Variants in USP6NL observed in about 807,000 individuals in gnomAD.
USP6NL encodes USP6 N-terminal like.
In USP6NL, 26 loss-of-function variants were observed where a neutral mutation model predicts 61.9. That is an observed-to-expected ratio of 0.42 (90% CI 0.31 to 0.58). The LOEUF is 0.58. Among genes scored for constraint, USP6NL ranks in the 20% least tolerant of loss-of-function variants. The pLI, the probability that USP6NL is intolerant of heterozygous loss-of-function variation, is 0.16. For missense variants in USP6NL, 1,114 were observed against 1,034.3 expected, an observed-to-expected ratio of 1.08 and a Z score of -1.06; for synonymous variants, 432 against 390.1, an observed-to-expected ratio of 1.11 and a Z score of -1.27.
At chr10:11,607,277 C>T (rs2133694211) in intron 1 of USP6NL, among the ~76,000 whole-genome samples, 1 of 152,266 alleles carries the variant, frequency 6.6e-6, no homozygotes, top group South Asian at 2.1e-4. Flanking sequence ...TCTTATTTCA[C>T]CTTATCTTAC....
At chr10:11,480,151 G>A (rs1023766246) in intron 14 of USP6NL, among the ~76,000 whole-genome samples, 2 of 151,984 alleles carry the variant, frequency 1.3e-5, no homozygotes, top group Non-Finnish European at 2.9e-5. Context: ...CTGGTAAAAC[G>A]ATCTTACAGA....
At chr10:11,509,912 C>G (rs1470083121) in intron 5 of USP6NL, among the ~76,000 whole-genome samples, 2 of 151,996 alleles carry the variant, frequency 1.3e-5, no homozygotes, top group Non-Finnish European at 1.5e-5. Flanking sequence ...TTAAATTTTC[C>G]AAGACTTGAA....
In USP6NL at chr10:11,525,399, A is replaced by G; in HGVS notation, c.142T>C (p.Phe48Leu). 1 of 1,600,812 alleles carries G rather than the reference A, an allele frequency of 6.2e-7. No homozygotes were observed. The highest frequency in any genetic ancestry group is 8.5e-7 in the Non-Finnish European group (1 of 1,176,682). ...DYLVYKVTDR[F>L]GFLHEEELPD... Reference sequence around the variant, plus strand: ...TATGTGACTTACTGTAAAAAGCCAAATCTATCTGTGACTTTGTAAACAAGG... The same window carrying G: ...TATGTGACTTACTGTAAAAAGCCAAGTCTATCTGTGACTTTGTAAACAAGG... Residue 48 changes from phenylalanine (F) to leucine (L), a missense_variant, in exon 4 of 15, where the codon TTT becomes CTT. Physicochemically the swap from Phe to Leu is conservative, Grantham distance 22. Transcript: ENST00000609104. This position sits in a 1 kb window ranked among gnomAD's most constrained non-coding sequence, Gnocchi z 5.0.
chr10:11,594,317 A>G (rs1450667925), intron 2 of USP6NL, among the ~76,000 whole-genome samples: 1 of 152,238 alleles, frequency 6.6e-6, no homozygotes. Flanking sequence ...GGGAGCTTGG[A>G]AAGAACTGAA....
chr10:11,569,778 G>C (rs1018086778), intron 2 of USP6NL, among the ~76,000 whole-genome samples: 4 of 152,196 alleles, frequency 2.6e-5, no homozygotes, highest in African/African-American at 9.6e-5. Flanking sequence ...CTGAATTCTA[G>C]GTTTTATGGC....
At chr10:11,599,144 T>C (rs1165632553) in intron 1 of USP6NL, among the ~76,000 whole-genome samples, 1 of 152,228 alleles carries the variant, frequency 6.6e-6, no homozygotes, top group Non-Finnish European at 1.5e-5. Context: ...TTAGATTTGT[T>C]TTCCTGCCTA....
rs530367280 is a variant in USP6NL, at chr10:11,592,995, C to T, written c.4+4636G>A. On this transcript the variant is annotated intron_variant, in intron 2 of 14. Transcript: ENST00000609104. The surrounding 1 kb of genome is among the most constrained non-coding windows in gnomAD (Gnocchi z 4.7). ...CACTACACCCCAAATTACTCACTGC[C>T]ATTATTCTTCCTCAGGTGAATGAGA... is the stretch of plus-strand genomic sequence containing the variant. Among the ~76,000 whole-genome samples, 26 of 152,354 alleles carry T rather than the reference C, an allele frequency of 1.7e-4. 1 individual carries two copies. In the East Asian group the frequency reaches 3.5e-3, roughly 20 times the overall value.
At chr10:11,538,662 T>C in intron 2 of USP6NL, among the ~76,000 whole-genome samples, 1 of 152,210 alleles carries the variant, frequency 6.6e-6, no homozygotes, top group Admixed American at 6.5e-5. Context: ...AAAGTATACT[T>C]TTGCTAAAGA....
In USP6NL at chr10:11,462,514, G is replaced by A; in HGVS notation, c.2414C>T (p.Ser805Leu). The change falls in exon 15 of 15, where the codon TCA (serine) becomes TTA (leucine). Residue 805 changes from serine to leucine, a missense_variant. Transcript: ENST00000609104. ...GTGGTAGGCTGGAGGCGGGGGCCCTGAATATGGATATCCAGATGGACTGGC... is the reference window on the plus strand; with the variant it reads ...GTGGTAGGCTGGAGGCGGGGGCCCTAAATATGGATATCCAGATGGACTGGC... ...EDASPSGYPY[S>L]GPPPPAYHYR... 1 of 1,614,028 alleles carries A rather than the reference G, an allele frequency of 6.2e-7. No homozygotes were observed. The highest frequency in any genetic ancestry group is 1.1e-5 in the South Asian group (1 of 91,086).
chr10:11,479,107 C>T (rs2133210685), intron 14 of USP6NL, among the ~76,000 whole-genome samples: 1 of 152,168 alleles, frequency 6.6e-6, no homozygotes, highest in African/African-American at 2.4e-5. Context: ...GAAGTTGTAC[C>T]CATAAGCACT....
intron 14 of USP6NL, among the ~76,000 whole-genome samples, chr10:11,466,841 A>G (rs1338649777): frequency 6.6e-6 from 1 of 152,212 alleles, no homozygotes; most frequent in Admixed American, 6.5e-5. Context: ...ACTGGAACAC[A>G]GTGGTAGGTA....
chr10:11,583,568 G>A (rs905582533), intron 2 of USP6NL, among the ~76,000 whole-genome samples: 1 of 152,056 alleles, frequency 6.6e-6, no homozygotes, highest in Non-Finnish European at 1.5e-5. Context: ...AAAGCCACAT[G>A]CAAATGGACA....
chr10:11,477,852 G>T (rs1251613160), intron 14 of USP6NL, among the ~76,000 whole-genome samples: 2 of 152,126 alleles, frequency 1.3e-5, no homozygotes, highest in African/African-American at 4.8e-5. Flanking sequence ...GATTATTTGT[G>T]TTCAAAAGGC....
At position 11,556,232 on chromosome 10, in the gene USP6NL, T is replaced by C. The variant is rs55752433; in HGVS notation, c.5-28665A>G. Among the ~76,000 whole-genome samples, 4 of 152,300 alleles carry C rather than the reference T, an allele frequency of 2.6e-5. No homozygotes were observed. The South Asian group carries it at 8.3e-4, about 32-fold the overall frequency. The stretch of plus-strand genomic sequence containing the variant: ...GAAAACAGACATCAGTACTAATTTG[T>C]TATAAATTTGAATAAGTCAGGGATT... On this transcript the variant is annotated intron_variant, in intron 2 of 14. Coordinates refer to ENST00000609104, the MANE Select transcript of USP6NL (RefSeq NM_014688.5).
Position 11,462,487 on chromosome 10 carries a change from T to C in USP6NL, c.2441A>G (p.Tyr814Cys), listed in dbSNP as rs911690374. 1.4e-5 allele frequency: 22 copies of C among 1,613,980 alleles called. No individual in the cohort carries two copies. Among genetic ancestry groups the C allele is most frequent in the Non-Finnish European group, 1.8e-5 (21 of 1,179,880 alleles). The change falls in exon 15 of 15, where the codon TAC (tyrosine) becomes TGC (cysteine). Residue 814 changes from tyrosine to cysteine, a missense_variant. Tyr to Cys is a radical substitution (Grantham distance 194). Coordinates refer to ENST00000609104, the MANE Select transcript of USP6NL (RefSeq NM_014688.5). ...GATGGAAAGCCCGTCCCGATTCCTG[T>C]AGTGGTAGGCTGGAGGCGGGGGCCC... ...YSGPPPPAYHYRNRDGLSIQE... is the reference protein window; with the variant it reads ...YSGPPPPAYHCRNRDGLSIQE...
rs1834687154 is a variant in USP6NL, at chr10:11,510,972, C to T, written c.196-1297G>A. Among the ~76,000 whole-genome samples the T allele has an allele frequency of 6.6e-6, 1 of 152,250 alleles. No individual in the cohort carries two copies. The highest frequency in any genetic ancestry group is 2.1e-4 in the South Asian group (1 of 4,836). On this transcript the variant is annotated intron_variant, in intron 5 of 14. Transcript: ENST00000609104. This position sits in a 1 kb window ranked among gnomAD's most constrained non-coding sequence, Gnocchi z 4.8. Reference sequence around the variant, plus strand: ...CCTGGATGGAAGCAGCAGCTCCTTACTGACTGTCTGCAATCCAGCCTCAAA... The same window carrying T: ...CCTGGATGGAAGCAGCAGCTCCTTATTGACTGTCTGCAATCCAGCCTCAAA...
In USP6NL at chr10:11,518,697, T is replaced by C; in HGVS notation, c.156-123A>G. The C allele has an allele frequency of 1.4e-6, 1 of 699,926 alleles. No individual in the cohort carries two copies. Among genetic ancestry groups the C allele is most frequent in the Non-Finnish European group, 2.3e-6 (1 of 429,964 alleles). 43.4% of individuals were successfully genotyped at this position (699,926 alleles called of 1,614,324 possible). On this transcript the variant is annotated intron_variant, in intron 4 of 14. Transcript: ENST00000609104. The surrounding 1 kb of genome is among the most constrained non-coding windows in gnomAD (Gnocchi z 5.3). Reference sequence around the variant, plus strand: ...TTGTCATCACAAGAGTTACATAGGCTTCCATTCATTGAATTCAATATGAAA... The same window carrying C: ...TTGTCATCACAAGAGTTACATAGGCCTCCATTCATTGAATTCAATATGAAA...
At position 11,520,101 on chromosome 10, in the gene USP6NL, A is replaced by AAC. The variant is rs1835145957; in HGVS notation, c.156-1529_156-1528dup. ...CTCTCATTTCACAGATAATACAACT[A>AAC]ACATTTTCACTTAGTCGAGAGACTT... On this transcript the variant is annotated intron_variant, in intron 4 of 14. Transcript: ENST00000609104. This position sits in a 1 kb window ranked among gnomAD's most constrained non-coding sequence, Gnocchi z 5.2. Among the ~76,000 whole-genome samples the AAC allele has an allele frequency of 6.6e-6, 1 of 152,234 alleles. No homozygotes were observed. The highest frequency in any genetic ancestry group is 1.5e-5 in the Non-Finnish European group (1 of 68,044).
intron 2 of USP6NL, among the ~76,000 whole-genome samples, chr10:11,551,028 G>A (rs868555619): frequency 2.3e-4 from 35 of 152,156 alleles, no homozygotes; most frequent in African/African-American, 7.2e-4. Context: ...TGCAGCATGC[G>A]TGAAAATACA....
Sources: gnomAD v4.1 joint callset for allele counts (sites outside exome capture counted in the v4.1 genomes callset) on GRCh38, gnomAD v4.1.1 for gene constraint, Gnocchi (gnomAD v3.1) non-coding constraint, MANE v1.5 for transcripts, NCBI Gene and HGNC (gene_info 2026-07-23, HGNC 2026-07-21) for gene names.